Variants in LAMA2 observed in about 807,000 individuals in gnomAD.
LAMA2 encodes laminin subunit alpha 2, also known as laminin subunit alpha-2.
Under a neutral mutation model 364.8 loss-of-function variants are expected in LAMA2, and 269 were observed. The observed-to-expected ratio is 0.74, with a 90% CI of 0.67 to 0.82. LAMA2 has a LOEUF of 0.82. LAMA2 is among the 40% of genes least tolerant of loss of function. The probability of loss-of-function intolerance (pLI) is 0.00; values close to 1 mark genes in which losing one functional copy is unlikely to be tolerated. For synonymous variants in LAMA2, 1,379 were observed against 1,370.6 expected (o/e 1.01, Z -0.14); for missense variants, 3,807 against 3,873.2 (o/e 0.98, Z 0.45).
chr6:129,133,667 G>T (rs1398402351), intron 4 of LAMA2, among the ~76,000 whole-genome samples: 2 of 152,098 alleles, frequency 1.3e-5, no homozygotes, highest in Non-Finnish European at 2.9e-5. Flanking sequence ...TTAAACTCCT[G>T]TATGCATTAG....
intron 2 of LAMA2, among the ~76,000 whole-genome samples, chr6:129,058,691 C>T (rs892452097): frequency 6.6e-5 from 10 of 152,074 alleles, no homozygotes; most frequent in African/African-American, 2.4e-4. Context: ...TCTGTAAGGG[C>T]CAAGGGAAAA....
intron 53 of LAMA2, among the ~76,000 whole-genome samples, chr6:129,477,096 G>A (rs917215911): frequency 2.6e-5 from 4 of 152,116 alleles, no homozygotes; most frequent in South Asian, 2.1e-4. Flanking sequence ...AGTTTTTACC[G>A]ATGCTGATTA....
chr6:129,079,849 T>C (rs1773928064), intron 3 of LAMA2, among the ~76,000 whole-genome samples: 1 of 152,142 alleles, frequency 6.6e-6, no homozygotes, highest in South Asian at 2.1e-4. Context: ...TATAAGTACA[T>C]ATAAAATATA....
At chr6:129,332,393 C>T (rs536397519) in intron 29 of LAMA2, among the ~76,000 whole-genome samples, 4 of 152,266 alleles carry the variant, frequency 2.6e-5, no homozygotes, top group African/African-American at 9.6e-5. Flanking sequence ...TGCTTACCTT[C>T]ATTTTATGTT....
intron 54 of LAMA2, 95 bp downstream of exon 54, chr6:129,478,908 T>C: frequency 8.8e-7 from 1 of 1,138,456 alleles, no homozygotes; most frequent in Non-Finnish European, 1.3e-6. Flanking sequence ...TTTGTTAATA[T>C]ATTTTACTTT....
chr6:129,515,960 T>C (rs1787030565), intron 64 of LAMA2, among the ~76,000 whole-genome samples: 1 of 152,098 alleles, frequency 6.6e-6, no homozygotes, highest in Admixed American at 6.5e-5. Context: ...AAGCCTTGAT[T>C]GCGCCATTGC....
At chr6:128,927,724 A>G (rs756258658) in intron 1 of LAMA2, among the ~76,000 whole-genome samples, 1 of 152,124 alleles carries the variant, frequency 6.6e-6, no homozygotes, top group Non-Finnish European at 1.5e-5. Context: ...CCGTTACTAT[A>G]TCAGTGAGCA....
At chr6:128,937,018 T>A (rs976876621) in intron 1 of LAMA2, among the ~76,000 whole-genome samples, 14 of 152,164 alleles carry the variant, frequency 9.2e-5, no homozygotes, top group African/African-American at 2.9e-4. Flanking sequence ...AGTGTAAGAT[T>A]TAATCCTGCT....
chr6:129,398,472 C>CTTTTTTTTTTTTTTTTTTTTTTTTTT (rs71028159), intron 37 of LAMA2, among the ~76,000 whole-genome samples: 2 of 110,552 alleles, frequency 1.8e-5, no homozygotes, highest in African/African-American at 3.6e-5. Context: ...CTTTTCTTTT[C>CTTTTTTTTTTTTTTTTTTTTTTTTTT]TTTTTTTTTT....
chr6:129,216,805 G>C (rs929713754), intron 12 of LAMA2, among the ~76,000 whole-genome samples: 4 of 145,848 alleles, frequency 2.7e-5, no homozygotes, highest in African/African-American at 1.0e-4. Flanking sequence ...GGGTTGTAAT[G>C]ATCAGAAACA....
At chr6:129,199,788 G>T (rs1298929537) in intron 12 of LAMA2, among the ~76,000 whole-genome samples, 1 of 152,024 alleles carries the variant, frequency 6.6e-6, no homozygotes, top group East Asian at 1.9e-4. Context: ...ATAATCAAAA[G>T]AAATTATAGA....
intron 22 of LAMA2, among the ~76,000 whole-genome samples, chr6:129,311,018 A>C (rs1468218248): frequency 6.6e-6 from 1 of 152,148 alleles, no homozygotes; most frequent in Non-Finnish European, 1.5e-5. Flanking sequence ...GCTAGTCAGA[A>C]GGGTGCCTAT....
intron 8 of LAMA2, chr6:129,158,364 C>T: frequency 6.2e-7 from 1 of 1,613,980 alleles, no homozygotes; most frequent in Non-Finnish European, 8.5e-7. Flanking sequence ...TTCGCCATGC[C>T]ATTTGCCCAT....
chr6:129,274,412 T>C (rs1445901693), intron 17 of LAMA2, among the ~76,000 whole-genome samples: 5 of 151,802 alleles, frequency 3.3e-5, no homozygotes, highest in African/African-American at 1.2e-4. Context: ...CCACAGGTTA[T>C]TCAGAGAAAA....
intron 40 of LAMA2, among the ~76,000 whole-genome samples, chr6:129,406,973 C>A (rs748163888): frequency 3.1e-4 from 47 of 152,250 alleles, no homozygotes; most frequent in Non-Finnish European, 5.3e-4. Flanking sequence ...GTCCAGGAAT[C>A]CAAAAGCTGA....
intron 1 of LAMA2, among the ~76,000 whole-genome samples, chr6:129,042,291 C>T (rs760231536): frequency 7.2e-5 from 11 of 151,992 alleles, no homozygotes; most frequent in Middle Eastern, 3.4e-3. Context: ...GGCAACAGAG[C>T]GAGACTCCAT....
intron 3 of LAMA2, among the ~76,000 whole-genome samples, chr6:129,097,017 C>G (rs1463119515): frequency 6.6e-6 from 1 of 152,194 alleles, no homozygotes; most frequent in East Asian, 1.9e-4. Flanking sequence ...TAGAGCATCC[C>G]TTTCAGGATT....
intron 5 of LAMA2, among the ~76,000 whole-genome samples, chr6:129,145,875 T>C (rs1342719934): frequency 2.6e-5 from 4 of 151,974 alleles, no homozygotes; most frequent in Non-Finnish European, 5.9e-5. Flanking sequence ...AATACTACTG[T>C]ATCAGCTTTT....
chr6:129,177,745 G>A lies in LAMA2; in HGVS notation c.1346G>A (p.Gly449Glu). Reference sequence around the variant, plus strand: ...TCCTGTCATTGCAAAACTGGTTTTGGAGGTGTGAGCTGTGATCGGTGTGCC... The same window carrying A: ...TCCTGTCATTGCAAAACTGGTTTTGAAGGTGTGAGCTGTGATCGGTGTGCC... Reference protein sequence around the residue: ...PGSCHCKTGFGGVSCDRCARG... With the variant: ...PGSCHCKTGFEGVSCDRCARG... The change falls in exon 10 of 65, where the codon GGA (glycine) becomes GAA (glutamate). Residue 449 changes from glycine (G) to glutamate (E), a missense_variant. By Grantham distance (98) the Gly-to-Glu change is moderately conservative. This residue lies in a region of LAMA2 where 3,333 missense variants were observed against 3,345.7 expected (regional missense o/e 1.00). Transcript: ENST00000421865. 3 of 1,613,952 alleles carry A rather than the reference G, an allele frequency of 1.9e-6. No homozygotes were observed. Among genetic ancestry groups the A allele is most frequent in the Non-Finnish European group, 2.5e-6 (3 of 1,179,948 alleles).
Sources: gnomAD v4.1 joint callset for allele counts (sites outside exome capture counted in the v4.1 genomes callset) on GRCh38, gnomAD v4.1.1 for gene constraint, gnomAD v4.1.1 regional missense constraint, MANE v1.5 for transcripts, NCBI Gene and HGNC (gene_info 2026-07-23, HGNC 2026-07-21) for gene names.